AGBL4: variants seen among roughly 807,000 people sequenced by gnomAD.
AGBL4 encodes the protein AGBL carboxypeptidase 4, also known as cytosolic carboxypeptidase 6.
Under a neutral mutation model 66.4 loss-of-function variants are expected in AGBL4, and 58 were observed. The ratio of observed to expected loss-of-function variants is 0.87; its 90% confidence interval spans 0.71 to 1.09. The LOEUF is 1.09. Ranked by LOEUF, AGBL4 falls within the 50% of genes least tolerant of loss-of-function variation. The pLI is 0.00. For synonymous variants in AGBL4, 234 were observed against 222.9 expected (o/e 1.05, Z -0.44); for missense variants, 579 against 631.0 (o/e 0.92, Z 0.88).
At chr1:49,309,379 T>TA (rs1644905248) in intron 3 of AGBL4, among the ~76,000 whole-genome samples, 1 of 152,086 alleles carries the variant, frequency 6.6e-6, no homozygotes, top group Admixed American at 6.6e-5. Context: ...CAAAATATGC[T>TA]GATTCACTGT....
intron 5 of AGBL4, among the ~76,000 whole-genome samples, chr1:49,028,739 C>G (rs1479028523): frequency 6.6e-6 from 1 of 152,128 alleles, no homozygotes; most frequent in Non-Finnish European, 1.5e-5. Context: ...GATACCCAAA[C>G]TAGACAAAGA....
intron 4 of AGBL4, among the ~76,000 whole-genome samples, chr1:49,141,388 A>T (rs1646114938): frequency 6.6e-6 from 1 of 152,136 alleles, no homozygotes; most frequent in South Asian, 2.1e-4. Flanking sequence ...CATTATTGCT[A>T]ACACATGTCA....
chr1:49,460,627 T>C (rs551758801), intron 3 of AGBL4, among the ~76,000 whole-genome samples: 49 of 151,862 alleles, frequency 3.2e-4, no homozygotes, highest in African/African-American at 1.2e-3. Flanking sequence ...GCTATTCTAT[T>C]CATCATGCTA....
At chr1:48,550,761 C>A (rs568328873) in intron 11 of AGBL4, among the ~76,000 whole-genome samples, 1 of 152,158 alleles carries the variant, frequency 6.6e-6, no homozygotes, top group Non-Finnish European at 1.5e-5. Flanking sequence ...GTGTAAGACA[C>A]CTTGCTGGGT....
rs1032275935 is a variant in AGBL4 at position 49,645,389 on chromosome 1, T to C, written c.282+51924A>G. ...AGAAAGATGACAACACTATAGCCTA[T>C]AATTATCAAAAAAAATTATTATGAC... On this transcript the variant is annotated intron_variant, in intron 3 of 13. Transcript: ENST00000371839. Among the ~76,000 whole-genome samples the C allele has an allele frequency of 4.3e-5, 5 of 114,960 alleles. No individual in the cohort carries two copies. In the South Asian group the frequency reaches 8.0e-4, roughly 18 times the overall value. The allele number at this position is 114,960 out of a possible 152,430, so 75.4% of individuals were successfully genotyped here. A position where few individuals can be genotyped will look rare whatever the true frequency, so the allele number is the denominator to read the frequency against.
At chr1:49,647,491 G>T (rs1026772498) in intron 3 of AGBL4, among the ~76,000 whole-genome samples, 2 of 152,014 alleles carry the variant, frequency 1.3e-5, no homozygotes, top group Non-Finnish European at 2.9e-5. Flanking sequence ...GACAACTCTG[G>T]CATTAAAAAT....
At chr1:49,029,055 A>G (rs1663980528) in intron 5 of AGBL4, among the ~76,000 whole-genome samples, 1 of 152,114 alleles carries the variant, frequency 6.6e-6, no homozygotes. Flanking sequence ...GAAGAAGAAA[A>G]CTTACTCAAC....
At chr1:49,241,475 T>C (rs992988384) in intron 4 of AGBL4, among the ~76,000 whole-genome samples, 3 of 152,114 alleles carry the variant, frequency 2.0e-5, no homozygotes, top group South Asian at 4.1e-4. Context: ...TTGGTGTATA[T>C]GAAGTCTTAA....
intron 3 of AGBL4, among the ~76,000 whole-genome samples, chr1:49,354,511 C>G (rs752564590): frequency 2.0e-5 from 3 of 151,520 alleles, no homozygotes; most frequent in Non-Finnish European, 2.9e-5. Flanking sequence ...TGCCTCATCT[C>G]TTTCTTCTTC....
At chr1:48,818,045 T>C (rs1342231767) in intron 6 of AGBL4, 3 of 706,734 alleles carry the variant, frequency 4.2e-6, no homozygotes, top group African/African-American at 1.8e-5. Flanking sequence ...CAAATTCATA[T>C]CTGATAGTCA....
chr1:49,842,266 C>T lies in AGBL4; in HGVS notation c.157+9130G>A, dbSNP rs199849118. ...CCCTGTACTATGATGTAATGCTGGA[C>T]GCCTTCAGGCTTCTGGTCTCTGTAG... is the stretch of plus-strand genomic sequence containing the variant. On this transcript the variant is annotated intron_variant, in intron 2 of 13. Coordinates refer to ENST00000371839, the MANE Select transcript of AGBL4 (RefSeq NM_032785.4). 250 of 444,488 alleles carry T rather than the reference C, an allele frequency of 5.6e-4. 2 individuals carry two copies. The highest frequency in any genetic ancestry group is 2.7e-3 in the South Asian group (140 of 51,984). 27.5% of individuals were successfully genotyped at this position (444,488 alleles called of 1,614,324 possible).
chr1:48,862,691 CT>C (rs1293521435), intron 6 of AGBL4, among the ~76,000 whole-genome samples: 5 of 152,202 alleles, frequency 3.3e-5, no homozygotes, highest in Admixed American at 3.3e-4. Flanking sequence ...GTGACTGAAC[CT>C]GCATTTTGGT....
intron 2 of AGBL4, among the ~76,000 whole-genome samples, chr1:49,758,274 G>A (rs185417622): frequency 9.2e-4 from 140 of 152,318 alleles, no homozygotes; most frequent in Non-Finnish European, 1.6e-3. Context: ...TTTGCTGTGG[G>A]TAGGGAGAGC....
chr1:49,363,617 G>GAT (rs1557871442), intron 3 of AGBL4, among the ~76,000 whole-genome samples: 1 of 152,140 alleles, frequency 6.6e-6, no homozygotes, highest in Non-Finnish European at 1.5e-5. Context: ...TATGTGAGTG[G>GAT]ATATATTTGA....
intron 1 of AGBL4, among the ~76,000 whole-genome samples, chr1:49,907,967 A>T (rs148069919): frequency 1.3e-5 from 2 of 152,308 alleles, no homozygotes; most frequent in East Asian, 3.9e-4. Context: ...CTCAAAAAAT[A>T]AAGTCTTTAA....
chr1:49,417,221 C>A (rs757499805), intron 3 of AGBL4, among the ~76,000 whole-genome samples: 2 of 151,984 alleles, frequency 1.3e-5, no homozygotes, highest in South Asian at 4.2e-4. Flanking sequence ...GTGCTAGAAA[C>A]AAGCAAGCTG....
intron 7 of AGBL4, among the ~76,000 whole-genome samples, chr1:48,661,002 G>A (rs772957584): frequency 6.6e-6 from 1 of 152,144 alleles, no homozygotes; most frequent in Non-Finnish European, 1.5e-5. Context: ...TGAGTTCAAC[G>A]CAGCATTTTT....
intron 3 of AGBL4, among the ~76,000 whole-genome samples, chr1:49,559,301 T>A (rs1643977641): frequency 1.3e-5 from 2 of 152,164 alleles, no homozygotes; most frequent in African/African-American, 4.8e-5. Flanking sequence ...AGAATTCTAA[T>A]GGATCTTGTA....
intron 3 of AGBL4, among the ~76,000 whole-genome samples, chr1:49,354,340 G>A (rs1570505466): frequency 1.3e-5 from 2 of 152,176 alleles, no homozygotes; most frequent in South Asian, 2.1e-4. Flanking sequence ...ACATTTAACC[G>A]TTGATCACTG....
Sources: gnomAD v4.1 joint callset for allele counts (sites outside exome capture counted in the v4.1 genomes callset) on GRCh38, gnomAD v4.1.1 for gene constraint, MANE v1.5 for transcripts, NCBI Gene and HGNC (gene_info 2026-07-23, HGNC 2026-07-21) for gene names.